ZNF486: variants seen among roughly 807,000 people sequenced by gnomAD.
The protein encoded by ZNF486 is KRAB box only protein 2.
In ZNF486, 12 loss-of-function variants were observed where a neutral mutation model predicts 12.8. The ratio of observed to expected loss-of-function variants is 0.94; its 90% confidence interval spans 0.60 to 1.52. The LOEUF (loss-of-function observed/expected upper bound fraction) is 1.52, where lower values mean the gene tolerates loss of function less well. Among genes scored for constraint, ZNF486 ranks in the 40% most tolerant of loss-of-function variants. ZNF486 has a pLI of 0.00. For missense variants in ZNF486, 738 were observed against 545.0 expected, an observed-to-expected ratio of 1.35 and a Z score of -3.53; for synonymous variants, 231 against 184.9, an observed-to-expected ratio of 1.25 and a Z score of -2.02.
chr19:20,190,917 A>G (rs571549740), intron 3 of ZNF486, among the ~76,000 whole-genome samples: 2 of 152,232 alleles, frequency 1.3e-5, no homozygotes, highest in South Asian at 4.2e-4. Flanking sequence ...CATGGAGGCA[A>G]ATTTCTCATG....
Position 20,198,238 on chromosome 19 carries a change from G to C in ZNF486, c.*136G>C, listed in dbSNP as rs2089981247. On this transcript the variant is annotated 3_prime_UTR_variant, in exon 4 of 4. Transcript: ENST00000335117. Reference sequence around the variant, plus strand: ...TTCAAGTAACTCTCCTTAGTAGCTAGGATTACAGGGCTGCACCACCACACC... The same window carrying C: ...TTCAAGTAACTCTCCTTAGTAGCTACGATTACAGGGCTGCACCACCACACC... The C allele has an allele frequency of 4.2e-6, 3 of 712,028 alleles. No individual in the cohort carries two copies. The highest frequency in any genetic ancestry group is 7.0e-6 in the Non-Finnish European group (3 of 430,504). 44.1% of individuals were successfully genotyped at this position (712,028 alleles called of 1,614,324 possible).
Position 20,167,254 on chromosome 19 carries a change from A to T in ZNF486, c.-77A>T, listed in dbSNP as rs781983177. 1 of 1,587,660 alleles carries T rather than the reference A, an allele frequency of 6.3e-7. No homozygotes were observed. Among genetic ancestry groups the T allele is most frequent in the Admixed American group, 1.7e-5 (1 of 59,938 alleles). On this transcript the variant is annotated 5_prime_UTR_variant, in exon 1 of 4. Transcript: ENST00000335117. ...TGGAGCTCTAGGTCGCCTCTTCGCT[A>T]CTCTGTGTCCTCTGCTCCTAGAGGC...
At chr19:20,196,000 C>G (rs1186587155) in intron 3 of ZNF486, among the ~76,000 whole-genome samples, 1 of 151,984 alleles carries the variant, frequency 6.6e-6, no homozygotes, top group African/African-American at 2.4e-5. Flanking sequence ...AAAAAGGAAA[C>G]CAGGAGTTGG....
chr19:20,187,925 T>C lies in ZNF486; in HGVS notation c.253+1843T>C, dbSNP rs528700023. Among the ~76,000 whole-genome samples the C allele has an allele frequency of 1.3e-3, 194 of 152,274 alleles. 1 individual carries two copies. Among genetic ancestry groups the C allele is most frequent in the African/African-American group, 4.4e-3 (184 of 41,540 alleles). On this transcript the variant is annotated intron_variant, in intron 3 of 3. Transcript: ENST00000335117. ...AGCTTGGTGACAAGGCTGCTGGGTCTGCACTAGGGTCCACCTTTAGTTGGC... is the reference window on the plus strand; with the variant it reads ...AGCTTGGTGACAAGGCTGCTGGGTCCGCACTAGGGTCCACCTTTAGTTGGC...
chr19:20,177,944 T>TTTTTTTTTTTTTTTTG (rs2089740710), intron 1 of ZNF486, among the ~76,000 whole-genome samples: 1 of 151,208 alleles, frequency 6.6e-6, no homozygotes, highest in Non-Finnish European at 1.5e-5. Context: ...TCTTTTTTTT[T>TTTTTTTTTTTTTTTTG]GAGACGAAGT....
At chr19:20,169,938 T>C (rs1454666479) in intron 1 of ZNF486, among the ~76,000 whole-genome samples, 6 of 146,320 alleles carry the variant, frequency 4.1e-5, no homozygotes, top group Admixed American at 2.8e-4. Context: ...TCGCCCAGGC[T>C]GGAGTGCAGT....
At chr19:20,187,814 A>C (rs1367273765) in intron 3 of ZNF486, among the ~76,000 whole-genome samples, 2 of 152,114 alleles carry the variant, frequency 1.3e-5, no homozygotes, top group African/African-American at 4.8e-5. Flanking sequence ...TCAAGTTTTT[A>C]TAAACTGATT....
chr19:20,168,666 AAAGT>A (rs1283045851), intron 1 of ZNF486, among the ~76,000 whole-genome samples: 2 of 152,080 alleles, frequency 1.3e-5, no homozygotes, highest in Non-Finnish European at 2.9e-5. Context: ...AAAAAAAAAA[AAAGT>A]AAGAATCTTA....
At chr19:20,174,611 A>G (rs142042245) in intron 1 of ZNF486, among the ~76,000 whole-genome samples, 1 of 152,112 alleles carries the variant, frequency 6.6e-6, no homozygotes, top group East Asian at 1.9e-4. Flanking sequence ...TTGATCTTGA[A>G]CTTTTCACCT....
rs911872334 is a variant in ZNF486 at position 20,198,372 on chromosome 19, G to A, written c.*270G>A. On this transcript the variant is annotated 3_prime_UTR_variant, in exon 4 of 4. Coordinates refer to ENST00000335117, the MANE Select transcript of ZNF486 (RefSeq NM_052852.4). ...CCTGCTTTGGCCTCCCAAAGTGTTG[G>A]GGTTACAGGCATGAGCCACTGTGCC... The A allele has an allele frequency of 6.1e-5, 24 of 394,862 alleles. No individual in the cohort carries two copies. Among genetic ancestry groups the A allele is most frequent in the Non-Finnish European group, 9.2e-6 (2 of 218,508 alleles). The allele number at this position is 394,862 out of a possible 1,614,324, so 24.5% of individuals were successfully genotyped here. A position where few individuals can be genotyped will look rare whatever the true frequency, so the allele number is the denominator to read the frequency against.
At chr19:20,183,194 TC>T (rs1555715832) in intron 1 of ZNF486, among the ~76,000 whole-genome samples, 2 of 152,236 alleles carry the variant, frequency 1.3e-5, no homozygotes, top group Non-Finnish European at 2.9e-5. Flanking sequence ...TTAAAAATGT[TC>T]CCTTTGTGGC....
chr19:20,177,003 C>T (rs1278122214), intron 1 of ZNF486: 1 of 152,234 alleles, frequency 6.6e-6, no homozygotes, highest in East Asian at 1.9e-4. Flanking sequence ...ACACTGCTCT[C>T]ATTTTCATTA....
rs1299801653 is a variant in ZNF486 at position 20,197,117 on chromosome 19, A to G, written c.407A>G (p.Lys136Arg). ...CESVDECKLH[K>R]RGYNGLNQCL... Reference sequence around the variant, plus strand: ...AGTGTGGATGAGTGTAAGTTACACAAAAGAGGTTATAATGGACTTAACCAA... The same window carrying G: ...AGTGTGGATGAGTGTAAGTTACACAGAAGAGGTTATAATGGACTTAACCAA... The change falls in exon 4 of 4, where the codon AAA becomes AGA. Residue 136 changes from lysine (K) to arginine (R), a missense_variant. Coordinates refer to ENST00000335117, the MANE Select transcript of ZNF486 (RefSeq NM_052852.4). 1.2e-6 allele frequency: 2 copies of G among 1,613,774 alleles called. No homozygotes were observed. Among genetic ancestry groups the G allele is most frequent in the African/African-American group, 1.3e-5 (1 of 74,930 alleles).
intron 1 of ZNF486, among the ~76,000 whole-genome samples, chr19:20,182,820 T>A (rs1555715778): frequency 6.6e-6 from 1 of 152,134 alleles, no homozygotes; most frequent in Non-Finnish European, 1.5e-5. Flanking sequence ...GTGTTACTGA[T>A]ACCTTTAAAG....
chr19:20,197,438 G>C lies in ZNF486; in HGVS notation c.728G>C (p.Cys243Ser), dbSNP rs782564970. The C allele has an allele frequency of 6.2e-7, 1 of 1,613,504 alleles. No homozygotes were observed. The highest frequency in any genetic ancestry group is 1.3e-5 in the African/African-American group (1 of 74,862). Residue 243 changes from cysteine to serine, a missense_variant, in exon 4 of 4, where the codon TGT becomes TCT. Cys to Ser is a moderately radical substitution (Grantham distance 112). Coordinates refer to ENST00000335117, the MANE Select transcript of ZNF486 (RefSeq NM_052852.4). ...GAGAAACCCTACAAATGTGAAGAAT[G>C]TGGCAAAGTCTTTAAGTACTTCTCT... ...TREKPYKCEE[C>S]GKVFKYFSSF...
intron 3 of ZNF486, among the ~76,000 whole-genome samples, chr19:20,196,744 G>C (rs2089961929): frequency 6.6e-6 from 1 of 152,076 alleles, no homozygotes; most frequent in African/African-American, 2.4e-5. Flanking sequence ...GCTCACCTAG[G>C]GACTTTCACA....
chr19:20,181,652 ATTC>A (rs2089788634), intron 1 of ZNF486, among the ~76,000 whole-genome samples: 1 of 152,148 alleles, frequency 6.6e-6, no homozygotes, highest in Non-Finnish European at 1.5e-5. Flanking sequence ...CTTGTTTTCT[ATTC>A]TTGCAGATCC....
chr19:20,172,679 G>GTCC (rs1568316379), intron 1 of ZNF486, among the ~76,000 whole-genome samples: 1 of 137,300 alleles, frequency 7.3e-6, no homozygotes, highest in African/African-American at 3.0e-5. Context: ...AGATGGAGTC[G>GTCC]CTTAGACTGG....
chr19:20,184,511 A>G (rs181041229), intron 2 of ZNF486, 29 bp downstream of exon 2: 6 of 1,547,480 alleles, frequency 3.9e-6, no homozygotes, highest in Middle Eastern at 1.7e-4. Context: ...CATAATTCAT[A>G]AAAAACCCCA....
Sources: gnomAD v4.1 joint callset for allele counts (sites outside exome capture counted in the v4.1 genomes callset) on GRCh38, gnomAD v4.1.1 for gene constraint, MANE v1.5 for transcripts, NCBI Gene and HGNC (gene_info 2026-07-23, HGNC 2026-07-21) for gene names.